The following OTOGL variants were observed in gnomAD, a reference collection of about 807,000 sequenced individuals.
OTOGL encodes the protein otogelin-like protein.
In OTOGL, 285 loss-of-function variants were observed where a neutral mutation model predicts 318.5. That is an observed-to-expected ratio of 0.89 (90% CI 0.81 to 0.99). The LOEUF is 0.99. Among genes scored for constraint, OTOGL ranks in the 50% least tolerant of loss-of-function variants. The pLI, the probability that OTOGL is intolerant of heterozygous loss-of-function variation, is 0.00. For synonymous variants in OTOGL, 987 were observed against 936.5 expected (o/e 1.05, Z -0.99); for missense variants, 2,899 against 2,845.6 (o/e 1.02, Z -0.43).
chr12:80,238,978 G>A lies in OTOGL; in HGVS notation c.945G>A (p.Glu315=). The A allele has an allele frequency of 6.3e-7, 1 of 1,594,890 alleles. No individual in the cohort carries two copies. The highest frequency in any genetic ancestry group is 1.7e-4 in the Middle Eastern group (1 of 6,050). The change falls in exon 10 of 59, where the codon GAG becomes GAA. Residue 315 remains glutamate, a splice_region_variant and synonymous_variant. Transcript: ENST00000547103. Reference sequence around the variant, plus strand: ...GCTCCAGTGGAATGCCAGCATTTGAGGTAAATTTGATGTGAGAAATGTGGG... The same window carrying A: ...GCTCCAGTGGAATGCCAGCATTTGAAGTAAATTTGATGTGAGAAATGTGGG... ...NPCSSGMPAF[E]AIFFKCQILL...
At chr12:80,338,991 A>G in intron 42 of OTOGL, 84 bp from the exon 43 acceptor site, 1 of 1,136,226 alleles carries the variant, frequency 8.8e-7, no homozygotes, top group South Asian at 1.7e-5. Flanking sequence ...TTTACATTAA[A>G]TCAGAATAAA....
chr12:80,105,786 T>A (rs1315983895), intron 1 of OTOGL, among the ~76,000 whole-genome samples: 1 of 152,152 alleles, frequency 6.6e-6, no homozygotes, highest in Non-Finnish European at 1.5e-5. Context: ...CCGGCATGAC[T>A]ACATTTAAAT....
intron 29 of OTOGL, among the ~76,000 whole-genome samples, chr12:80,306,937 G>A (rs1165059302): frequency 1.3e-5 from 2 of 149,464 alleles, no homozygotes; most frequent in Non-Finnish European, 2.9e-5. Flanking sequence ...GGTTTTCCTA[G>A]GCAGAGGACC....
In OTOGL at chr12:80,380,741, G is replaced by T. The variant is rs1891403527; in HGVS notation, c.*2693G>T. 1 of 151,998 alleles carries T rather than the reference G, an allele frequency of 6.6e-6. No individual in the cohort carries two copies. Among genetic ancestry groups the T allele is most frequent in the East Asian group, 1.9e-4 (1 of 5,182 alleles). 9.4% of individuals were successfully genotyped at this position (151,998 alleles called of 1,614,324 possible). ...TATACTAATATTAGAAGTGATTTTT[G>T]GTTTGACCAAACTGCCTAGAATATA... On this transcript the variant is annotated 3_prime_UTR_variant, in exon 59 of 59. Coordinates refer to ENST00000547103, the MANE Select transcript of OTOGL (RefSeq NM_001378609.3).
chr12:80,162,763 A>C (rs945733251), intron 1 of OTOGL, among the ~76,000 whole-genome samples: 1 of 152,030 alleles, frequency 6.6e-6, no homozygotes, highest in Non-Finnish European at 1.5e-5. Context: ...GTCTGTAAAG[A>C]CTATACCTTC....
intron 7 of OTOGL, among the ~76,000 whole-genome samples, chr12:80,225,268 A>G (rs1312779769): frequency 6.6e-6 from 1 of 151,920 alleles, no homozygotes; most frequent in Non-Finnish European, 1.5e-5. Context: ...TCTCACTTGA[A>G]TACCCTTTGA....
intron 1 of OTOGL, among the ~76,000 whole-genome samples, chr12:80,163,831 T>G (rs993139803): frequency 6.6e-6 from 1 of 152,180 alleles, no homozygotes; most frequent in Non-Finnish European, 1.5e-5. Flanking sequence ...CTTTTAGTTA[T>G]GCTATGTTGC....
chr12:80,138,748 A>G (rs1871739187), intron 1 of OTOGL, among the ~76,000 whole-genome samples: 1 of 152,230 alleles, frequency 6.6e-6, no homozygotes, highest in Non-Finnish European at 1.5e-5. Flanking sequence ...ACTGTAGCTG[A>G]ATAGTGAATC....
intron 1 of OTOGL, among the ~76,000 whole-genome samples, chr12:80,185,287 T>C (rs1167020005): frequency 1.3e-5 from 2 of 151,872 alleles, no homozygotes; most frequent in Non-Finnish European, 2.9e-5. Context: ...ATATTATAAA[T>C]TAATTTTTTT....
At chr12:80,376,067 T>A (rs1158012513) in intron 57 of OTOGL, among the ~76,000 whole-genome samples, 7 of 151,472 alleles carry the variant, frequency 4.6e-5, no homozygotes, top group African/African-American at 9.7e-5. Flanking sequence ...TAATAAAATT[T>A]AAAAAAAAGA....
chr12:80,309,072 G>A (rs944176580), intron 29 of OTOGL, among the ~76,000 whole-genome samples: 1 of 152,058 alleles, frequency 6.6e-6, no homozygotes, highest in African/African-American at 2.4e-5. Context: ...ATTTTAAACC[G>A]CCTCAAAATA....
chr12:80,304,781 C>T (rs1177162465), intron 28 of OTOGL, among the ~76,000 whole-genome samples: 1 of 151,976 alleles, frequency 6.6e-6, no homozygotes, highest in African/African-American at 2.4e-5. Flanking sequence ...AGGGGGAGAA[C>T]TTGCAGTGAT....
intron 29 of OTOGL, among the ~76,000 whole-genome samples, chr12:80,309,914 C>T (rs999981679): frequency 8.6e-5 from 13 of 151,874 alleles, no homozygotes; most frequent in Non-Finnish European, 1.6e-4. Context: ...AGCCAGGACG[C>T]GTGTACCGAA....
chr12:80,334,821 T>C (rs1888292329), intron 38 of OTOGL, among the ~76,000 whole-genome samples: 1 of 152,106 alleles, frequency 6.6e-6, no homozygotes, highest in Non-Finnish European at 1.5e-5. Context: ...TAAAATCCTC[T>C]GGGTGGTTCA....
At chr12:80,160,411 CA>C (rs1260962691) in intron 1 of OTOGL, among the ~76,000 whole-genome samples, 1 of 151,968 alleles carries the variant, frequency 6.6e-6, no homozygotes, top group African/African-American at 2.4e-5. Context: ...ACAATCCCAT[CA>C]AAAAGTGGAC....
At chr12:80,160,565 CA>C (rs796386407) in intron 1 of OTOGL, among the ~76,000 whole-genome samples, 1 of 151,904 alleles carries the variant, frequency 6.6e-6, no homozygotes, top group African/African-American at 2.4e-5. Context: ...TAGCCATAAT[CA>C]AAAAATAACC....
At chr12:80,357,052 T>A in intron 49 of OTOGL, 138 bp downstream of exon 49, 1 of 475,876 alleles carries the variant, frequency 2.1e-6, no homozygotes, top group Non-Finnish European at 3.7e-6. Context: ...AGAACTCTTG[T>A]AAAGAAAGTA....
At chr12:80,344,889 T>G (rs4459376) in intron 44 of OTOGL, among the ~76,000 whole-genome samples, 1 of 150,192 alleles carries the variant, frequency 6.7e-6, no homozygotes, top group Non-Finnish European at 1.5e-5. Context: ...TTTTTTTAAG[T>G]GTTATAGTTT....
intron 1 of OTOGL, among the ~76,000 whole-genome samples, chr12:80,162,863 G>A (rs1455397383): frequency 1.3e-5 from 2 of 151,958 alleles, no homozygotes; most frequent in Admixed American, 1.3e-4. Context: ...CATTATAGGT[G>A]TGTTCATATG....
Sources: allele counts gnomAD v4.1 joint callset (sites outside exome capture counted in the v4.1 genomes callset), GRCh38; gene constraint gnomAD v4.1.1; transcripts MANE v1.5; gene names NCBI Gene and HGNC (gene_info 2026-07-23, HGNC 2026-07-21).